The following DPP10 variants were observed in gnomAD, a reference collection of about 807,000 sequenced individuals.
DPP10 encodes the protein dipeptidyl peptidase like 10.
In DPP10, 33 loss-of-function variants were observed where a neutral mutation model predicts 120.9. The observed-to-expected ratio is 0.27, with a 90% CI of 0.21 to 0.37. The LOEUF (loss-of-function observed/expected upper bound fraction) is 0.37. Among genes scored for constraint, DPP10 ranks in the 10% least tolerant of loss-of-function variants. The pLI, the probability that DPP10 is intolerant of heterozygous loss-of-function variation, is 1.00. For missense variants in DPP10, 816 were observed against 942.8 expected (o/e 0.87, Z 1.76); for synonymous variants, 337 against 326.1 (o/e 1.03, Z -0.36).
In DPP10 at chr2:115,814,777, A is replaced by G. The variant is rs373673875; in HGVS notation, c.1701-16A>G. ...TCAGTTGCTCTTGTTTTGGTCCAAT[A>G]TGTTGGTATTTGCAGGGATGAAGAA... On this transcript the variant is annotated splice_polypyrimidine_tract_variant and intron_variant, in intron 19 of 25. Coordinates refer to ENST00000410059, the MANE Select transcript of DPP10 (RefSeq NM_020868.6). 12 of 1,510,448 alleles carry G rather than the reference A, an allele frequency of 7.9e-6. No individual in the cohort carries two copies. The African/African-American group carries it at 1.5e-4, about 19-fold the overall frequency. The allele number at this position is 1,510,448 out of a possible 1,614,324, so 93.6% of individuals were successfully genotyped here.
chr2:115,408,761 A>G (rs907484208), intron 3 of DPP10, among the ~76,000 whole-genome samples: 2 of 152,192 alleles, frequency 1.3e-5, no homozygotes, highest in Non-Finnish European at 2.9e-5. Context: ...AAAAAATCAT[A>G]TGAATAAAGA....
chr2:115,809,063 A>G (rs1686341730), intron 19 of DPP10, among the ~76,000 whole-genome samples: 1 of 152,216 alleles, frequency 6.6e-6, no homozygotes, highest in Non-Finnish European at 1.5e-5. Context: ...GAAGATGGGA[A>G]TGTGGACAAG....
rs1356312464 is a variant in DPP10, at chr2:115,316,361, TA to T, written c.175+7009del. On this transcript the variant is annotated intron_variant, in intron 2 of 25. Coordinates refer to ENST00000410059, the MANE Select transcript of DPP10 (RefSeq NM_020868.6). ...GACATATTCTTGTGCCCATGGATGA[TA>T]GGGGCAAAAAAATATTTTAGAAAAA... is the stretch of plus-strand genomic sequence containing the variant. 3.3e-5 allele frequency among the ~76,000 whole-genome samples: 5 copies of T among 152,320 alleles called. No homozygotes were observed. In the South Asian group the frequency reaches 6.2e-4, roughly 19 times the overall value.
intron 5 of DPP10, among the ~76,000 whole-genome samples, chr2:115,574,817 A>G (rs953198293): frequency 1.4e-4 from 22 of 152,122 alleles, no homozygotes; most frequent in Non-Finnish European, 2.8e-4. Context: ...GGGCCCTCTC[A>G]CATTGTCCCC....
chr2:114,519,939 T>A (rs1283235981), intron 1 of DPP10, among the ~76,000 whole-genome samples: 1 of 152,148 alleles, frequency 6.6e-6, no homozygotes, highest in African/African-American at 2.4e-5. Flanking sequence ...GATGGGGTTG[T>A]TATAAAGATA....
At chr2:115,088,370 C>G (rs9917329) in intron 1 of DPP10, among the ~76,000 whole-genome samples, 120,798 of 152,138 alleles carry the variant, frequency 0.79, 48,696 homozygotes, top group Non-Finnish European at 0.88. Context: ...ATGGTATTAT[C>G]TGAGAAAAAC....
In DPP10 at chr2:114,442,739, A is replaced by G. The variant is rs1677726073; in HGVS notation, c.-40A>G. 2 of 1,611,924 alleles carry G rather than the reference A, an allele frequency of 1.2e-6. No homozygotes were observed. Among genetic ancestry groups the G allele is most frequent in the Admixed American group, 1.7e-5 (1 of 59,838 alleles). Reference sequence around the variant, plus strand: ...AGACTTGATCTCTAGTTCATTCTGGAACTCCGCCTGGGATTGTGCACTGTC... The same window carrying G: ...AGACTTGATCTCTAGTTCATTCTGGGACTCCGCCTGGGATTGTGCACTGTC... On this transcript the variant is annotated 5_prime_UTR_variant, in exon 1 of 26. Coordinates refer to ENST00000410059, the MANE Select transcript of DPP10 (RefSeq NM_020868.6).
At chr2:114,506,169 C>T (rs1337569864) in intron 1 of DPP10, among the ~76,000 whole-genome samples, 1 of 152,202 alleles carries the variant, frequency 6.6e-6, no homozygotes, top group Non-Finnish European at 1.5e-5. Context: ...CCACCCATGG[C>T]CTGTCCCACT....
intron 1 of DPP10, among the ~76,000 whole-genome samples, chr2:114,665,267 C>T (rs188765345): frequency 3.3e-5 from 5 of 152,326 alleles, no homozygotes; most frequent in African/African-American, 1.2e-4. Context: ...ATAGTACAAT[C>T]AGTCCACCAT....
chr2:115,795,861 A>C (rs1461272346), intron 19 of DPP10, among the ~76,000 whole-genome samples: 1 of 152,060 alleles, frequency 6.6e-6, no homozygotes, highest in East Asian at 1.9e-4. Flanking sequence ...CTGAACTCTA[A>C]CCTGCTATAC....
chr2:115,281,334 T>C (rs910699112), intron 1 of DPP10, among the ~76,000 whole-genome samples: 25 of 152,188 alleles, frequency 1.6e-4, no homozygotes, highest in African/African-American at 6.0e-4. Flanking sequence ...CCACTATTTC[T>C]ACTAGCTAGA....
At chr2:114,840,863 G>C (rs969875268) in intron 1 of DPP10, among the ~76,000 whole-genome samples, 9 of 152,134 alleles carry the variant, frequency 5.9e-5, no homozygotes, top group African/African-American at 2.2e-4. Context: ...ATTATGGTTA[G>C]AATCTTGGGC....
chr2:115,061,805 G>A (rs1249027096), intron 1 of DPP10, among the ~76,000 whole-genome samples: 1 of 152,120 alleles, frequency 6.6e-6, no homozygotes, highest in Non-Finnish European at 1.5e-5. Context: ...AAGGGTCTGA[G>A]GTGAGAATGA....
intron 12 of DPP10, among the ~76,000 whole-genome samples, chr2:115,768,021 A>G (rs1342998831): frequency 3.3e-5 from 5 of 152,178 alleles, no homozygotes; most frequent in Non-Finnish European, 1.5e-5. Flanking sequence ...ACCAATTTAA[A>G]AAGTGTCTTT....
chr2:115,185,479 A>G (rs1285831367), intron 1 of DPP10, among the ~76,000 whole-genome samples: 2 of 152,192 alleles, frequency 1.3e-5, no homozygotes, highest in Admixed American at 6.5e-5. Flanking sequence ...AAGATAACTC[A>G]TGGAATTTTA....
rs74659970 is a variant in DPP10, at chr2:114,970,963, C to T, written c.61-338276C>T. ...GCTGAGGAGCAGCAACAAGAAGGCTCTGTTTAGAGGGTCATTAGTAAGGAA... is the reference window on the plus strand; with the variant it reads ...GCTGAGGAGCAGCAACAAGAAGGCTTTGTTTAGAGGGTCATTAGTAAGGAA... On this transcript the variant is annotated intron_variant, in intron 1 of 25. Transcript: ENST00000410059. 3.8e-3 allele frequency among the ~76,000 whole-genome samples: 580 copies of T among 152,276 alleles called. 4 individuals are homozygous for T. Among genetic ancestry groups the T allele is most frequent in the African/African-American group, 0.013 (556 of 41,560 alleles).
chr2:114,954,627 A>G (rs1185639094), intron 1 of DPP10, among the ~76,000 whole-genome samples: 2 of 152,182 alleles, frequency 1.3e-5, no homozygotes, highest in African/African-American at 4.8e-5. Context: ...AATAAATGAA[A>G]TGGAGACTAG....
intron 1 of DPP10, among the ~76,000 whole-genome samples, chr2:114,882,157 T>C (rs1691696051): frequency 6.6e-6 from 1 of 152,076 alleles, no homozygotes; most frequent in South Asian, 2.1e-4. Flanking sequence ...ATCCCACTAC[T>C]AGGTATCTAC....
chr2:115,125,667 G>A (rs1254667278), intron 1 of DPP10, among the ~76,000 whole-genome samples: 10 of 148,808 alleles, frequency 6.7e-5, no homozygotes, highest in Non-Finnish European at 1.5e-4. Context: ...CTCCTCCCGG[G>A]TTCACGCCAT....
Sources: allele counts gnomAD v4.1 joint callset (sites outside exome capture counted in the v4.1 genomes callset), GRCh38; gene constraint gnomAD v4.1.1; transcripts MANE v1.5; gene names NCBI Gene and HGNC (gene_info 2026-07-23, HGNC 2026-07-21).